Variants in ARHGAP29 observed in about 807,000 individuals in gnomAD.
The protein encoded by ARHGAP29 is rho GTPase-activating protein 29.
ARHGAP29 carries 43 observed loss-of-function variants against 122.6 expected under a neutral mutation model. The observed-to-expected ratio is 0.35, with a 90% confidence interval of 0.27 to 0.45. The LOEUF (loss-of-function observed/expected upper bound fraction) is 0.45, where lower values mean the gene tolerates loss of function less well. Among genes scored for constraint, ARHGAP29 ranks in the 20% least tolerant of loss-of-function variants. ARHGAP29 has a pLI of 1.00. For synonymous variants in ARHGAP29, 506 were observed against 497.1 expected, an observed-to-expected ratio of 1.02 and a Z score of -0.24; for missense variants, 1,303 against 1,477.2, an observed-to-expected ratio of 0.88 and a Z score of 1.93.
At chr1:94,184,515 C>G (rs528366703) in intron 18 of ARHGAP29, among the ~76,000 whole-genome samples, 107 of 152,106 alleles carry the variant, frequency 7.0e-4, no homozygotes, top group South Asian at 2.7e-3. Flanking sequence ...GAGGTGGAGG[C>G]GGGAAGATCA....
intron 1 of ARHGAP29, chr1:94,247,721 CCA>C: frequency 1.3e-6 from 1 of 778,332 alleles, no homozygotes; most frequent in Non-Finnish European, 1.6e-6. Context: ...ACCACCACCA[CCA>C]CAGCGGCCGC....
At chr1:94,192,231 G>C (rs1650171662) in intron 12 of ARHGAP29, 1 of 152,064 alleles carries the variant, frequency 6.6e-6, no homozygotes, top group Non-Finnish European at 1.5e-5. Context: ...CTAAAAATCT[G>C]AACAGAATGC....
At chr1:94,199,717 C>T (rs1186634756) in intron 12 of ARHGAP29, among the ~76,000 whole-genome samples, 1 of 152,226 alleles carries the variant, frequency 6.6e-6, no homozygotes, top group Non-Finnish European at 1.5e-5. Context: ...AAACAGTTTA[C>T]CTTGCCTTTC....
intron 5 of ARHGAP29, among the ~76,000 whole-genome samples, chr1:94,206,728 C>T (rs1443761648): frequency 1.3e-5 from 2 of 151,788 alleles, no homozygotes; most frequent in African/African-American, 2.4e-5. Flanking sequence ...GAAACCCCAT[C>T]TCTACTAAAA....
At chr1:94,294,697 A>G in the ARHGAP29 span, among the ~76,000 whole-genome samples, 6 of 152,200 alleles carry the variant, frequency 3.9e-5, no homozygotes, top group Admixed American at 2.0e-4. Flanking sequence ...GAATAAGAAC[A>G]CCTAGATGAG....
At chr1:94,230,453 T>C (rs1462574633) in intron 2 of ARHGAP29, among the ~76,000 whole-genome samples, 1 of 151,822 alleles carries the variant, frequency 6.6e-6, no homozygotes, top group African/African-American at 2.4e-5. Context: ...GAGGCTTCAA[T>C]TCCAGTCATT....
intron 1 of ARHGAP29, among the ~76,000 whole-genome samples, chr1:94,257,575 T>C (rs1048849291): frequency 6.6e-6 from 1 of 151,994 alleles, no homozygotes; most frequent in Non-Finnish European, 1.5e-5. Flanking sequence ...CTGAGCATAG[T>C]GGCACATGCC....
upstream of ARHGAP29, chr1:94,237,718 T>C (rs1653389465): frequency 3.0e-6 from 3 of 984,804 alleles, no homozygotes; most frequent in South Asian, 1.4e-4. Flanking sequence ...GGGAGGCAAC[T>C]AGCTCGCGCG....
chr1:94,282,161 C>A, the ARHGAP29 span, among the ~76,000 whole-genome samples: 1 of 151,490 alleles, frequency 6.6e-6, no homozygotes, highest in East Asian at 1.9e-4. Flanking sequence ...TAAGTCTGGA[C>A]TGGAGCCCAC....
chr1:94,291,270 T>G, the ARHGAP29 span, among the ~76,000 whole-genome samples: 5 of 152,002 alleles, frequency 3.3e-5, no homozygotes, highest in Non-Finnish European at 5.9e-5. Flanking sequence ...TGTTTGGTTG[T>G]TTGTTTGTTT....
chr1:94,280,971 T>C, the ARHGAP29 span, among the ~76,000 whole-genome samples: 1 of 152,214 alleles, frequency 6.6e-6, no homozygotes, highest in African/African-American at 2.4e-5. Context: ...CCATCAATCC[T>C]GAATTTCTAG....
chr1:94,255,054 T>C (rs1654280334), intron 1 of ARHGAP29, among the ~76,000 whole-genome samples: 1 of 152,212 alleles, frequency 6.6e-6, no homozygotes, highest in African/African-American at 2.4e-5. Flanking sequence ...TAGGTTGAAC[T>C]GTGTTTGCCA....
intron 12 of ARHGAP29, among the ~76,000 whole-genome samples, chr1:94,200,885 G>C (rs1008982074): frequency 3.9e-5 from 6 of 152,146 alleles, no homozygotes; most frequent in Non-Finnish European, 7.4e-5. Flanking sequence ...AGTGGGCAGA[G>C]AGTTGGACTA....
At position 94,173,797 on chromosome 1, in the gene ARHGAP29, T is replaced by C. The variant is rs533201177; in HGVS notation, c.*72A>G. 1.3e-6 allele frequency: 2 copies of C among 1,510,768 alleles called. No individual in the cohort carries two copies. Among genetic ancestry groups the C allele is most frequent in the South Asian group, 2.7e-5 (2 of 74,802 alleles). The allele number at this position is 1,510,768 out of a possible 1,614,324, so 93.6% of individuals were successfully genotyped here. A position where few individuals can be genotyped will look rare whatever the true frequency, so the allele number is the denominator to read the frequency against. ...ATACAAAAGAGGCCCTGTCAAAACA[T>C]TCTTTCACAAAACAAGCACAATACC... On this transcript the variant is annotated 3_prime_UTR_variant, in exon 23 of 23. Transcript: ENST00000260526.
intron 7 of ARHGAP29, among the ~76,000 whole-genome samples, chr1:94,204,801 C>G (rs1651090006): frequency 6.6e-6 from 1 of 152,202 alleles, no homozygotes; most frequent in Non-Finnish European, 1.5e-5. Context: ...TGCATTTCCT[C>G]TTACCCACTA....
intron 4 of ARHGAP29, 55 bp from the exon 5 acceptor site, chr1:94,208,959 G>C (rs1318219006): frequency 6.8e-7 from 1 of 1,464,254 alleles, no homozygotes; most frequent in Non-Finnish European, 9.5e-7. Context: ...TTTGTGACAG[G>C]GTTTACATTC....
At chr1:94,199,890 T>C (rs1444030319) in intron 12 of ARHGAP29, among the ~76,000 whole-genome samples, 1 of 152,204 alleles carries the variant, frequency 6.6e-6, no homozygotes, top group Non-Finnish European at 1.5e-5. Flanking sequence ...CCTTTCTGTG[T>C]CACTCCGATA....
At chr1:94,304,367 T>C in the ARHGAP29 span, among the ~76,000 whole-genome samples, 1 of 152,190 alleles carries the variant, frequency 6.6e-6, no homozygotes, top group Admixed American at 6.5e-5. Flanking sequence ...CTTGAACTCC[T>C]GGGCTCAAGA....
At chr1:94,228,751 A>G in intron 2 of ARHGAP29, among the ~76,000 whole-genome samples, 1 of 151,856 alleles carries the variant, frequency 6.6e-6, no homozygotes, top group Non-Finnish European at 1.5e-5. Flanking sequence ...TGGGGAAAGT[A>G]AAATGTGGCC....
Sources: gnomAD v4.1 joint callset for allele counts (sites outside exome capture counted in the v4.1 genomes callset) on GRCh38, gnomAD v4.1.1 for gene constraint, MANE v1.5 for transcripts, NCBI Gene and HGNC (gene_info 2026-07-23, HGNC 2026-07-21) for gene names.